Variants in WDPCP observed in about 807,000 individuals in gnomAD.
WDPCP encodes WD repeat containing planar cell polarity effector, also known as WD repeat-containing and planar cell polarity effector protein fritz homolog.
A neutral mutation model predicts 93.1 loss-of-function variants in WDPCP; 71 were observed. That is an observed-to-expected ratio of 0.76 (90% confidence interval 0.63 to 0.93). The LOEUF is 0.93. Among genes scored for constraint, WDPCP ranks in the 40% least tolerant of loss-of-function variants. The probability of loss-of-function intolerance (pLI) is 0.00; values close to 1 mark genes in which losing one functional copy is unlikely to be tolerated. For missense variants in WDPCP, 844 were observed against 887.4 expected (o/e 0.95, Z 0.62); for synonymous variants, 315 against 315.0 (o/e 1.00, Z 0.00).
chr2:63,597,319 A>T, intron 3 of WDPCP: 1 of 1,295,924 alleles, frequency 7.7e-7, no homozygotes, highest in Non-Finnish European at 9.9e-7. Flanking sequence ...GAAAGAATTA[A>T]TGGGTAGATT....
At chr2:63,512,799 G>T (rs1036692475) in intron 1 of WDPCP, among the ~76,000 whole-genome samples, 2 of 151,892 alleles carry the variant, frequency 1.3e-5, no homozygotes, top group African/African-American at 4.8e-5. Flanking sequence ...GTAGATGATG[G>T]GTTGATGGGT....
chr2:63,218,036 T>C (rs1677499567), intron 14 of WDPCP, among the ~76,000 whole-genome samples: 1 of 152,206 alleles, frequency 6.6e-6, no homozygotes, highest in Non-Finnish European at 1.5e-5. Context: ...TGAGCAGTTA[T>C]ACAGAATGCT....
intron 13 of WDPCP, among the ~76,000 whole-genome samples, chr2:63,304,562 A>C (rs1178745039): frequency 1.3e-5 from 2 of 152,170 alleles, no homozygotes; most frequent in Non-Finnish European, 2.9e-5. Context: ...CAGTGCATTT[A>C]GGCCCAGATA....
intron 2 of WDPCP, among the ~76,000 whole-genome samples, chr2:63,794,843 C>A (rs1670591736): frequency 6.6e-6 from 1 of 152,210 alleles, no homozygotes; most frequent in Non-Finnish European, 1.5e-5. Flanking sequence ...TAGCTCTAGT[C>A]ACCAGCACTC....
At chr2:63,397,780 C>T (rs1693849812) in intron 10 of WDPCP, among the ~76,000 whole-genome samples, 1 of 152,064 alleles carries the variant, frequency 6.6e-6, no homozygotes, top group Admixed American at 6.6e-5. Flanking sequence ...GCAGAAGATA[C>T]AGCCAGAGCA....
chr2:63,752,225 G>T, intron 2 of WDPCP: 1 of 722,576 alleles, frequency 1.4e-6, no homozygotes, highest in Non-Finnish European at 2.5e-6. Flanking sequence ...GCCTCAATCA[G>T]TCATAATTTC....
At chr2:63,589,166 G>T, upstream of WDPCP, 2 of 1,610,972 alleles carry the variant, frequency 1.2e-6, no homozygotes, top group South Asian at 2.2e-5. Context: ...GCGCCCTTTG[G>T]CAAGCTCGGA....
chr2:63,824,767 T>C (rs1388435675), intron 1 of WDPCP, among the ~76,000 whole-genome samples: 1 of 152,010 alleles, frequency 6.6e-6, no homozygotes, highest in African/African-American at 2.4e-5. Flanking sequence ...TTTTCTTCAA[T>C]TGATATAAGG....
At position 63,404,359 on chromosome 2, in the gene WDPCP, T is replaced by TAA. The variant is rs1167806221; in HGVS notation, c.1123_1124insTT (p.Gln375LeufsTer9). 6.2e-7 allele frequency: 1 copy of TAA among 1,614,080 alleles called. No individual in the cohort carries two copies. The highest frequency in any genetic ancestry group is 8.5e-7 in the Non-Finnish European group (1 of 1,180,028). On this transcript the variant is annotated frameshift_variant, in exon 10 of 18. Transcript: ENST00000272321. LOFTEE classifies it high-confidence loss of function. ...TATTAATGAAGGCAAAAGTTCAGTC[T>TAA]GTGCTAAGAGAGTCACTCTACGGTG...
intron 13 of WDPCP, among the ~76,000 whole-genome samples, chr2:63,307,733 A>G (rs1463860095): frequency 6.6e-6 from 1 of 152,258 alleles, no homozygotes; most frequent in African/African-American, 2.4e-5. Context: ...CTCAAGATGG[A>G]TTAACCATTT....
At chr2:63,501,836 G>A (rs1239658081) in intron 1 of WDPCP, among the ~76,000 whole-genome samples, 3 of 152,064 alleles carry the variant, frequency 2.0e-5, no homozygotes, top group Non-Finnish European at 2.9e-5. Context: ...GGCTGGTCTC[G>A]AACTCCTGAC....
chr2:63,840,061 C>T, the WDPCP span, among the ~76,000 whole-genome samples: 1 of 152,196 alleles, frequency 6.6e-6, no homozygotes, highest in African/African-American at 2.4e-5. Context: ...ATTAGTGCTG[C>T]CCAAAGCCTC....
chr2:63,326,771 CAA>C lies in WDPCP; in HGVS notation c.1749-13462_1749-13461del, dbSNP rs553697481. Among the ~76,000 whole-genome samples the C allele has an allele frequency of 2.1e-4, 32 of 151,704 alleles. No homozygotes were observed. In the South Asian group the frequency reaches 6.1e-3, roughly 29 times the overall value. Reference sequence around the variant, plus strand: ...TCAGAGAGAGAGAGGAAGAGACAGACAAAGAGGGAGTCAGAAAGAGAGACGAA... The same window carrying C: ...TCAGAGAGAGAGAGGAAGAGACAGACAGAGGGAGTCAGAAAGAGAGACGAA... On this transcript the variant is annotated intron_variant, in intron 12 of 17. Transcript: ENST00000272321.
chr2:63,335,377 T>A (rs906578464), intron 12 of WDPCP, among the ~76,000 whole-genome samples: 1 of 152,160 alleles, frequency 6.6e-6, no homozygotes, highest in African/African-American at 2.4e-5. Flanking sequence ...TCATTTGATT[T>A]ACACTAGGTA....
At chr2:63,541,807 G>A (rs1480078258) in intron 1 of WDPCP, among the ~76,000 whole-genome samples, 2 of 152,092 alleles carry the variant, frequency 1.3e-5, no homozygotes, top group African/African-American at 4.8e-5. Context: ...CAGTCAGCAT[G>A]TAAGAATTAA....
At chr2:63,322,456 A>G (rs1251804475) in intron 12 of WDPCP, among the ~76,000 whole-genome samples, 1 of 151,932 alleles carries the variant, frequency 6.6e-6, no homozygotes, top group Non-Finnish European at 1.5e-5. Flanking sequence ...GAGCTGTAAC[A>G]CTCACCGTGA....
chr2:63,590,327 AGAGTC>A (rs1222063181), upstream of WDPCP: 9 of 152,296 alleles, frequency 5.9e-5, no homozygotes, highest in African/African-American at 1.7e-4. Flanking sequence ...ATTTGCTCCA[AGAGTC>A]TCACACTCTT....
chr2:63,800,283 T>G (rs898603381), intron 2 of WDPCP, among the ~76,000 whole-genome samples: 3 of 152,188 alleles, frequency 2.0e-5, no homozygotes, highest in African/African-American at 7.2e-5. Context: ...TGATAAAATG[T>G]TACTTTGTAT....
intron 12 of WDPCP, among the ~76,000 whole-genome samples, chr2:63,336,322 A>G (rs1688361685): frequency 6.6e-6 from 1 of 151,814 alleles, no homozygotes; most frequent in South Asian, 2.1e-4. Context: ...TAGTTTTTCT[A>G]CTCTTTTTCC....
Sources: gnomAD v4.1 joint callset for allele counts (sites outside exome capture counted in the v4.1 genomes callset) on GRCh38, gnomAD v4.1.1 for gene constraint, MANE v1.5 for transcripts, NCBI Gene and HGNC (gene_info 2026-07-23, HGNC 2026-07-21) for gene names.